The following LRP1 variants were observed in gnomAD, a reference collection of about 807,000 sequenced individuals.
LRP1 encodes the protein LDL receptor related protein 1, also known as prolow-density lipoprotein receptor-related protein 1.
A neutral mutation model predicts 541.5 loss-of-function variants in LRP1; 51 were observed. That is an observed-to-expected ratio of 0.09 (90% CI 0.08 to 0.12). The LOEUF is 0.12. Among genes scored for constraint, LRP1 ranks in the 10% least tolerant of loss-of-function variants. The pLI is 1.00. For synonymous variants in LRP1, 2,219 were observed against 2,470.8 expected (o/e 0.90, Z 3.02); for missense variants, 3,878 against 6,376.2 (o/e 0.61, Z 13.34).
Position 57,176,927 on chromosome 12 carries a change from A to T in LRP1, c.3992-114A>T. On this transcript the variant is annotated intron_variant, in intron 24 of 88. Transcript: ENST00000243077. ...ACTCTTGAATATGGGCACATCAGAAACTTTGGCAGAAGTGCCAGGGTTGAG... is the reference window on the plus strand; with the variant it reads ...ACTCTTGAATATGGGCACATCAGAATCTTTGGCAGAAGTGCCAGGGTTGAG... 4 of 861,630 alleles carry T rather than the reference A, an allele frequency of 4.6e-6. No homozygotes were observed. In the South Asian group the frequency reaches 5.9e-5, roughly 13 times the overall value. 53.4% of individuals were successfully genotyped at this position (861,630 alleles called of 1,614,324 possible).
In LRP1 at chr12:57,158,728, C is replaced by G; in HGVS notation, c.1798+90C>G. On this transcript the variant is annotated intron_variant, in intron 11 of 88. Transcript: ENST00000243077. This position sits in a 1 kb window ranked among gnomAD's most constrained non-coding sequence, Gnocchi z 5.3. ...TCGGTGCCCTCTCAGCAGGATGGTC[C>G]CCTGCTGACTGGCTGGCTGCACTGG... 3 of 1,170,974 alleles carry G rather than the reference C, an allele frequency of 2.6e-6. No individual in the cohort carries two copies. The allele number at this position is 1,170,974 out of a possible 1,614,324, so 72.5% of individuals were successfully genotyped here. A position where few individuals can be genotyped will look rare whatever the true frequency, so the allele number is the denominator to read the frequency against.
intron 42 of LRP1, among the ~76,000 whole-genome samples, chr12:57,190,556 G>A (rs1432456125): frequency 6.6e-6 from 1 of 152,214 alleles, no homozygotes; most frequent in Non-Finnish European, 1.5e-5. Context: ...GACGGTCACT[G>A]CCCAGATACT....
At chr12:57,172,854 T>C (rs533127561) in intron 20 of LRP1, among the ~76,000 whole-genome samples, 168 of 152,266 alleles carry the variant, frequency 1.1e-3, no homozygotes, top group Non-Finnish European at 1.9e-3. Flanking sequence ...ATTTGTGGCA[T>C]GAATGAATGA....
chr12:57,209,605 TGGGAACCACAGGTGCCA>T, intron 79 of LRP1, 70 bp from the exon 80 acceptor site: 3 of 1,173,242 alleles, frequency 2.6e-6, no homozygotes, highest in Non-Finnish European at 3.8e-6. Context: ...TTGAGGTGTC[TGGGAACCACAGGTGCCA>T]GTGTCGTGGA....
Position 57,210,178 on chromosome 12 carries a change from A to T in LRP1, c.12580+9A>T. The T allele has an allele frequency of 6.3e-7, 1 of 1,586,436 alleles. No homozygotes were observed. Among genetic ancestry groups the T allele is most frequent in the Non-Finnish European group, 8.6e-7 (1 of 1,166,086 alleles). ...AACGCCCCCCCCAGATGGTATGCTT[A>T]TGCCCTCCCAGTCCCAGCCATGCCT... On this transcript the variant is annotated intron_variant, in intron 81 of 88. Transcript: ENST00000243077.
rs2036066141 is a variant in LRP1 at position 57,177,302 on chromosome 12, G to A, written c.4196+57G>A. 13 of 1,596,252 alleles carry A rather than the reference G, an allele frequency of 8.1e-6. No homozygotes were observed. The highest frequency in any genetic ancestry group is 7.7e-6 in the Non-Finnish European group (9 of 1,166,888). ...CATGGCCCCCCTGAAGTCCCATTCA[G>A]CCTGGCCAGGGACACCTTACTCCTC... is the stretch of plus-strand genomic sequence containing the variant. On this transcript the variant is annotated intron_variant, in intron 25 of 88. Coordinates refer to ENST00000243077, the MANE Select transcript of LRP1 (RefSeq NM_002332.3). The surrounding 1 kb of genome is among the most constrained non-coding windows in gnomAD (Gnocchi z 6.8).
intron 17 of LRP1, chr12:57,166,417 C>T (rs1047989459): frequency 1.5e-5 from 9 of 597,832 alleles, no homozygotes; most frequent in Admixed American, 3.3e-5. Flanking sequence ...AAAAAACTGC[C>T]GGGCGTGGTG....
Position 57,169,134 on chromosome 12 carries a change from C to G in LRP1, c.2996-6C>G. Reference sequence around the variant, plus strand: ...TTTGCCTCTCCCCTTCTTCCCCCACCGCCAGACAATGACTGTGGGGACAAC... The same window carrying G: ...TTTGCCTCTCCCCTTCTTCCCCCACGGCCAGACAATGACTGTGGGGACAAC... On this transcript the variant is annotated splice_polypyrimidine_tract_variant and splice_region_variant and intron_variant, in intron 19 of 88. Coordinates refer to ENST00000243077, the MANE Select transcript of LRP1 (RefSeq NM_002332.3). 1 of 1,596,746 alleles carries G rather than the reference C, an allele frequency of 6.3e-7. No homozygotes were observed. Among genetic ancestry groups the G allele is most frequent in the African/African-American group, 1.3e-5 (1 of 74,796 alleles).
chr12:57,133,193 G>A (rs2035074684), intron 1 of LRP1, among the ~76,000 whole-genome samples: 1 of 152,090 alleles, frequency 6.6e-6, no homozygotes, highest in Non-Finnish European at 1.5e-5. Flanking sequence ...GTGAGCATAA[G>A]CTGTGTGTGT....
chr12:57,197,286 C>T lies in LRP1; in HGVS notation c.9077-13C>T. The T allele has an allele frequency of 6.2e-7, 1 of 1,613,710 alleles. No homozygotes were observed. The highest frequency in any genetic ancestry group is 8.5e-7 in the Non-Finnish European group (1 of 1,179,592). On this transcript the variant is annotated splice_polypyrimidine_tract_variant and intron_variant, in intron 56 of 88. Coordinates refer to ENST00000243077, the MANE Select transcript of LRP1 (RefSeq NM_002332.3). This position sits in a 1 kb window ranked among gnomAD's most constrained non-coding sequence, Gnocchi z 4.5. ...AATGTGCCAGGAGCTGAGGCAAGAT[C>T]CTCTGTCTGCAGACGAGGAACCGTT...
At position 57,203,499 on chromosome 12, in the gene LRP1, C is replaced by T. The variant is rs2228192; in HGVS notation, c.10929C>T (p.Asp3643=). 1,959 of 1,557,044 alleles carry T rather than the reference C, an allele frequency of 1.3e-3. 17 individuals carry two copies. In the African/African-American group the frequency reaches 0.024, roughly 19 times the overall value. The change falls in exon 70 of 89, where the codon GAC becomes GAT. Residue 3643 remains aspartate, a synonymous_variant. Coordinates refer to ENST00000243077, the MANE Select transcript of LRP1 (RefSeq NM_002332.3). ...ACGCCGACTGCATGGACGGCAGCGA[C>T]GAGGAGGCCTGCGGCACTGGCGGTG... ...DADADCMDGS[D]EEACGTGVRT...
At chr12:57,151,211 A>G (rs1202821901) in intron 6 of LRP1, among the ~76,000 whole-genome samples, 1 of 152,158 alleles carries the variant, frequency 6.6e-6, no homozygotes, top group African/African-American at 2.4e-5. Flanking sequence ...ATGATGGAGA[A>G]GTTGAGAAAA....
At position 57,160,049 on chromosome 12, in the gene LRP1, T is replaced by C. The variant is rs369088819; in HGVS notation, c.1979+44T>C. 5.4e-5 allele frequency: 86 copies of C among 1,588,740 alleles called. 1 individual carries two copies. Among genetic ancestry groups the C allele is most frequent in the Non-Finnish European group, 7.2e-5 (84 of 1,160,182 alleles). ...TGGGGTGGGAGGAGCTGGGAGTGTG[T>C]GGGCCTCAGATAACTGGAGGATGAA... On this transcript the variant is annotated intron_variant, in intron 12 of 88. Transcript: ENST00000243077.
Position 57,149,140 on chromosome 12 carries a change from T to G in LRP1, c.841+3650T>G. On this transcript the variant is annotated intron_variant, in intron 6 of 88. Transcript: ENST00000243077. ...CTGTGCTGGGCACCCCTGGACCCTC[T>G]CAGCCTCCCACCCTGCCTACAAAGC... The G allele has an allele frequency of 8.7e-6, 4 of 461,388 alleles. No individual in the cohort carries two copies. In the South Asian group the frequency reaches 1.5e-4, roughly 17 times the overall value. The allele number at this position is 461,388 out of a possible 1,614,324, so 28.6% of individuals were successfully genotyped here. A position where few individuals can be genotyped will look rare whatever the true frequency, so the allele number is the denominator to read the frequency against.
Position 57,204,568 on chromosome 12 carries a change from C to T in LRP1, c.11071+39C>T, listed in dbSNP as rs200197653. The stretch of plus-strand genomic sequence containing the variant: ...CGGGGCTCCCAGGCTTCCCAGTGGC[C>T]AGCAACCACCCCCACTCCCAAGACT... On this transcript the variant is annotated intron_variant, in intron 71 of 88. Transcript: ENST00000243077. This position sits in a 1 kb window ranked among gnomAD's most constrained non-coding sequence, Gnocchi z 5.3. 3,472 of 1,607,844 alleles carry T rather than the reference C, an allele frequency of 2.2e-3. 78 individuals are homozygous for T. The South Asian group carries it at 0.036, about 17-fold the overall frequency.
chr12:57,203,086 A>G (rs2036690190), intron 68 of LRP1, 95 bp from the exon 69 acceptor site: 1 of 909,432 alleles, frequency 1.1e-6, no homozygotes, highest in South Asian at 1.8e-5. Context: ...CTTCAGAGAC[A>G]CGGGGATGGG....
At chr12:57,203,010 G>A (rs1592659137) in intron 68 of LRP1, 171 bp from the exon 69 acceptor site, 2 of 596,174 alleles carry the variant, frequency 3.4e-6, no homozygotes, top group Non-Finnish European at 5.9e-6. Context: ...GTGCCCAGCT[G>A]TTCCATAGGA....
intron 48 of LRP1, 23 bp from the exon 49 acceptor site, chr12:57,194,331 A>C (rs1592649962): frequency 1.3e-6 from 2 of 1,506,532 alleles, no homozygotes; most frequent in Non-Finnish European, 1.8e-6. Context: ...ACCAGGTATC[A>C]CCCTCACCCC....
Position 57,199,986 on chromosome 12 carries a change from C to T in LRP1, c.9975C>T (p.Ser3325=), listed in dbSNP as rs762828026. The T allele has an allele frequency of 8.8e-6, 14 of 1,596,786 alleles. No individual in the cohort carries two copies. The highest frequency in any genetic ancestry group is 2.3e-5 in the South Asian group (2 of 88,598). Reference sequence around the variant, plus strand: ...GCCCCACCAACTTCTACCTGGGCAGCGATGGGCGCACCTGTGTGTCCAACT... The same window carrying T: ...GCCCCACCAACTTCTACCTGGGCAGTGATGGGCGCACCTGTGTGTCCAACT... ...CACPTNFYLG[S]DGRTCVSNCT... The change falls in exon 62 of 89, where the codon AGC becomes AGT. Residue 3325 remains serine (S), a synonymous_variant. Coordinates refer to ENST00000243077, the MANE Select transcript of LRP1 (RefSeq NM_002332.3).
Sources: allele counts gnomAD v4.1 joint callset (sites outside exome capture counted in the v4.1 genomes callset), GRCh38; gene constraint gnomAD v4.1.1; non-coding constraint Gnocchi (gnomAD v3.1); transcripts MANE v1.5; gene names NCBI Gene and HGNC (gene_info 2026-07-23, HGNC 2026-07-21).